Variants in PPP1R16B observed in about 807,000 individuals in gnomAD.
The protein encoded by PPP1R16B is protein phosphatase 1 regulatory subunit 16B, also known as protein phosphatase 1 regulatory inhibitor subunit 16B.
A neutral mutation model predicts 61.7 loss-of-function variants in PPP1R16B; 14 were observed. That is an observed-to-expected ratio of 0.23 (90% CI 0.15 to 0.35). The LOEUF is 0.35. Among genes scored for constraint, PPP1R16B ranks in the 10% least tolerant of loss-of-function variants. The pLI, the probability that PPP1R16B is intolerant of heterozygous loss-of-function variation, is 1.00. For missense variants in PPP1R16B, 547 were observed against 752.5 expected, an observed-to-expected ratio of 0.73 and a Z score of 3.19; for synonymous variants, 266 against 305.3, an observed-to-expected ratio of 0.87 and a Z score of 1.34.
At chr20:38,844,955 T>C (rs184071787) in intron 2 of PPP1R16B, among the ~76,000 whole-genome samples, 3 of 152,082 alleles carry the variant, frequency 2.0e-5, no homozygotes, top group Admixed American at 1.3e-4. Context: ...ATAGCAAAAG[T>C]TGGGAGATCT....
intron 2 of PPP1R16B, among the ~76,000 whole-genome samples, chr20:38,840,347 T>G (rs1193849798): frequency 2.6e-5 from 4 of 152,044 alleles, no homozygotes; most frequent in Non-Finnish European, 5.9e-5. Flanking sequence ...GTGAGTTGTT[T>G]CCAGAGAAAG....
chr20:38,845,879 C>T (rs1034375316), intron 2 of PPP1R16B, among the ~76,000 whole-genome samples: 3 of 152,176 alleles, frequency 2.0e-5, no homozygotes, highest in Non-Finnish European at 4.4e-5. Context: ...AATCTATTTT[C>T]GCAGGGCTGT....
In PPP1R16B at chr20:38,806,718, C is replaced by T. The variant is rs558918992; in HGVS notation, c.-102+926C>T. 2.0e-5 allele frequency among the ~76,000 whole-genome samples: 3 copies of T among 152,286 alleles called. No homozygotes were observed. In the South Asian group the frequency reaches 6.2e-4, roughly 32 times the overall value. On this transcript the variant is annotated intron_variant, in intron 1 of 10. Transcript: ENST00000299824. This position sits in a 1 kb window ranked among gnomAD's most constrained non-coding sequence, Gnocchi z 4.5. ...TGTAGACTCCCTTCCTCCGCTCCCC[C>T]ACCCCGGCCCGGCCTCCAGCTTCAC...
At chr20:38,846,978 G>C (rs1293490479) in intron 2 of PPP1R16B, among the ~76,000 whole-genome samples, 1 of 151,992 alleles carries the variant, frequency 6.6e-6, no homozygotes, top group African/African-American at 2.4e-5. Flanking sequence ...CTCCAGCCCA[G>C]GTAACAGAGT....
intron 2 of PPP1R16B, among the ~76,000 whole-genome samples, chr20:38,839,791 A>T (rs745802203): frequency 7.9e-5 from 12 of 152,006 alleles, no homozygotes; most frequent in African/African-American, 9.7e-5. Flanking sequence ...GTAGTATTCC[A>T]TAGTATGGAT....
chr20:38,808,716 T>C (rs532285629), intron 1 of PPP1R16B, among the ~76,000 whole-genome samples: 3 of 152,300 alleles, frequency 2.0e-5, no homozygotes, highest in African/African-American at 7.2e-5. Context: ...AAGGATTCCA[T>C]GAGACCATTA....
At chr20:38,862,082 C>T (rs1410883002) in intron 2 of PPP1R16B, among the ~76,000 whole-genome samples, 3 of 152,228 alleles carry the variant, frequency 2.0e-5, no homozygotes, top group African/African-American at 7.2e-5. Context: ...CAGCCCACAA[C>T]TGTGTAGGGC....
At chr20:38,903,551 ATCCATCCATCCATCCGTCCGTCCGTCCG>A (rs1294700861) in intron 6 of PPP1R16B, among the ~76,000 whole-genome samples, 3 of 112,942 alleles carry the variant, frequency 2.7e-5, no homozygotes, top group African/African-American at 3.7e-5. Flanking sequence ...CCATCCATCC[ATCCATCCATCCATCCGTCCGTCCGTCCG>A]TCCATCCATC....
At chr20:38,880,649 G>C (rs764205505) in intron 2 of PPP1R16B, among the ~76,000 whole-genome samples, 1 of 152,198 alleles carries the variant, frequency 6.6e-6, no homozygotes, top group Non-Finnish European at 1.5e-5. Context: ...GCCTGGGTGA[G>C]AGAGGGACCT....
chr20:38,885,178 A>AC lies in PPP1R16B; in HGVS notation c.251-4412dup, dbSNP rs972880607. ...AGACCAGCCTGGTCAACATAGTGAG[A>AC]CCCCCATCCCTATATTAAAAAAATA... On this transcript the variant is annotated intron_variant, in intron 2 of 10. Transcript: ENST00000299824. Among the ~76,000 whole-genome samples the AC allele has an allele frequency of 1.1e-4, 16 of 151,902 alleles. No homozygotes were observed. The East Asian group carries it at 2.1e-3, about 20-fold the overall frequency.
chr20:38,917,307 A>AG (rs909593321), intron 10 of PPP1R16B, among the ~76,000 whole-genome samples: 5 of 152,114 alleles, frequency 3.3e-5, no homozygotes, highest in African/African-American at 1.2e-4. Context: ...AAAAAAAAAA[A>AG]AAAAGGACTT....
At chr20:38,905,875 G>A in intron 6 of PPP1R16B, 94 bp from the exon 7 acceptor site, 3 of 1,299,934 alleles carry the variant, frequency 2.3e-6, no homozygotes, top group Non-Finnish European at 3.2e-6. Context: ...CTGGCCCCAA[G>A]GATGCTGTGG....
chr20:38,901,807 A>G (rs1252517153), intron 5 of PPP1R16B, among the ~76,000 whole-genome samples: 1 of 152,270 alleles, frequency 6.6e-6, no homozygotes, highest in Non-Finnish European at 1.5e-5. Flanking sequence ...AATGTGTTAG[A>G]TAGAAACTTC....
intron 2 of PPP1R16B, among the ~76,000 whole-genome samples, chr20:38,879,338 C>T (rs2085189777): frequency 6.6e-6 from 1 of 152,046 alleles, no homozygotes; most frequent in South Asian, 2.1e-4. Context: ...ATCTTACAGG[C>T]CCATATCATC....
In PPP1R16B at chr20:38,835,894, C is replaced by A. The variant is rs1174580624; in HGVS notation, c.-32C>A. ...CTGGCCCCCGGTGCACCGTGCTAGC[C>A]CCCAGCCAGGGCGTTGGGGAGGGCG... On this transcript the variant is annotated 5_prime_UTR_variant, in exon 2 of 11. Transcript: ENST00000299824. 1.3e-6 allele frequency: 2 copies of A among 1,515,430 alleles called. No homozygotes were observed. Among genetic ancestry groups the A allele is most frequent in the African/African-American group, 1.4e-5 (1 of 72,594 alleles). 93.9% of individuals were successfully genotyped at this position (1,515,430 alleles called of 1,614,324 possible).
intron 1 of PPP1R16B, among the ~76,000 whole-genome samples, chr20:38,832,529 C>A (rs555407203): frequency 3.9e-4 from 60 of 152,288 alleles, no homozygotes; most frequent in African/African-American, 1.3e-3. Context: ...CAGTGACAAT[C>A]CCAAATGCTG....
At chr20:38,885,057 A>AC (rs1292958815) in intron 2 of PPP1R16B, among the ~76,000 whole-genome samples, 1 of 142,568 alleles carries the variant, frequency 7.0e-6, no homozygotes, top group Non-Finnish European at 1.5e-5. Flanking sequence ...AAAAAAAAAA[A>AC]AAGAAGAAGA....
chr20:38,829,881 C>T (rs753302123), intron 1 of PPP1R16B, among the ~76,000 whole-genome samples: 33 of 152,218 alleles, frequency 2.2e-4, no homozygotes, highest in Non-Finnish European at 3.2e-4. Flanking sequence ...GGGAGCTGTC[C>T]TCGAGCCCCA....
intron 2 of PPP1R16B, among the ~76,000 whole-genome samples, chr20:38,852,962 C>T (rs572350154): frequency 1.1e-4 from 16 of 151,792 alleles, no homozygotes; most frequent in African/African-American, 3.6e-4. Flanking sequence ...TTAGTAGAGA[C>T]GGTTTCACCA....
Sources: allele counts gnomAD v4.1 joint callset (sites outside exome capture counted in the v4.1 genomes callset), GRCh38; gene constraint gnomAD v4.1.1; non-coding constraint Gnocchi (gnomAD v3.1); transcripts MANE v1.5; gene names NCBI Gene and HGNC (gene_info 2026-07-23, HGNC 2026-07-21).